The following VWCE variants were observed in gnomAD, a reference collection of about 807,000 sequenced individuals.
VWCE encodes von Willebrand factor C and EGF domains.
Under a neutral mutation model 102.9 loss-of-function variants are expected in VWCE, and 68 were observed. The ratio of observed to expected loss-of-function variants is 0.66; its 90% CI spans 0.54 to 0.81. The LOEUF (loss-of-function observed/expected upper bound fraction) is 0.81. Among genes scored for constraint, VWCE ranks in the 30% least tolerant of loss-of-function variants. The pLI is 0.00. For missense variants in VWCE, 1,137 were observed against 1,263.6 expected (o/e 0.90, Z 1.52); for synonymous variants, 497 against 515.4 (o/e 0.96, Z 0.48).
In VWCE at chr11:61,258,755, T is replaced by C. The variant is rs1365117635; in HGVS notation, c.2788A>G (p.Thr930Ala). The C allele has an allele frequency of 4.9e-6, 7 of 1,429,888 alleles. No individual in the cohort carries two copies. The South Asian group carries it at 1.3e-4, about 27-fold the overall frequency. 88.6% of individuals were successfully genotyped at this position (1,429,888 alleles called of 1,614,324 possible). A position where few individuals can be genotyped will look rare whatever the true frequency, so the allele number is the denominator to read the frequency against. ...GGGTGGGTGGTGGCTGCAAGGGCTG[T>C]GGAGAGTCTAGAGGTGGTGGGAGAA... is the stretch of plus-strand genomic sequence containing the variant. The part of the protein sequence containing the change: ...VLSPTTSRLS[T>A]ALAATTHPGP... Residue 930 changes from threonine (T) to alanine (A), a missense_variant, in exon 20 of 20, where the codon ACA becomes GCA. Around this residue, in one of 5 missense-constraint regions of VWCE, gnomAD observed 316 missense variants for 319.3 expected, o/e 0.99. Transcript: ENST00000335613.
Position 61,278,485 on chromosome 11 carries a change from G to A in VWCE, c.1325-9C>T, listed in dbSNP as rs1245919313. 2 of 1,613,958 alleles carry A rather than the reference G, an allele frequency of 1.2e-6. No individual in the cohort carries two copies. Among genetic ancestry groups the A allele is most frequent in the Non-Finnish European group, 1.7e-6 (2 of 1,179,910 alleles). On this transcript the variant is annotated splice_polypyrimidine_tract_variant and intron_variant, in intron 9 of 19. Coordinates refer to ENST00000335613, the MANE Select transcript of VWCE (RefSeq NM_152718.2). ...ACCACTGTGAAAACAGCCTTTGAAG[G>A]ACAAATAGGAGGTAGAGGCATCAGA...
chr11:61,283,016 G>A, intron 5 of VWCE, 111 bp from the exon 6 acceptor site: 1 of 914,636 alleles, frequency 1.1e-6, no homozygotes, highest in Non-Finnish European at 1.8e-6. Flanking sequence ...GGGCTGTGGG[G>A]AACCACCTTA....
At chr11:61,261,004 C>G (rs1001452228) in intron 19 of VWCE, among the ~76,000 whole-genome samples, 3 of 152,002 alleles carry the variant, frequency 2.0e-5, no homozygotes, top group African/African-American at 7.2e-5. Context: ...GTGGACAGAT[C>G]ACTTGAGGTC....
chr11:61,270,825 CTTTTTTT>C (rs1243630767), intron 14 of VWCE, among the ~76,000 whole-genome samples: 24 of 134,252 alleles, frequency 1.8e-4, no homozygotes, highest in African/African-American at 5.3e-4. Context: ...GTTACACACA[CTTTTTTT>C]TTTTTTTTTT....
chr11:61,273,122 G>T, intron 13 of VWCE, 77 bp downstream of exon 13: 2 of 1,421,760 alleles, frequency 1.4e-6, no homozygotes, highest in Non-Finnish European at 2.0e-6. Flanking sequence ...CACACCAGCA[G>T]TCTCAGCAGC....
At chr11:61,277,083 G>C (rs1854948877) in intron 10 of VWCE, among the ~76,000 whole-genome samples, 1 of 143,524 alleles carries the variant, frequency 7.0e-6, no homozygotes, top group Admixed American at 7.1e-5. Context: ...AAGGGAGAGA[G>C]GAAGGAAGAG....
Position 61,278,456 on chromosome 11 carries a change from C to T in VWCE, c.1345G>A (p.Val449Ile), listed in dbSNP as rs370842721. Residue 449 changes from valine (V) to isoleucine (I), a missense_variant, in exon 10 of 20, where the codon GTC becomes ATC. Physicochemically the swap from Val to Ile is conservative, Grantham distance 29. Coordinates refer to ENST00000335613, the MANE Select transcript of VWCE (RefSeq NM_152718.2). ...SCTGCFHSGV[V>I]RAEGDVFSPP... ...GAAAACACATCCCCTTCAGCTCGGA[C>T]GACACCACTGTGAAAACAGCCTTTG... 34 of 1,614,000 alleles carry T rather than the reference C, an allele frequency of 2.1e-5. No individual in the cohort carries two copies. Among genetic ancestry groups the T allele is most frequent in the Middle Eastern group, 1.6e-4 (1 of 6,082 alleles).
chr11:61,280,758 A>T (rs751996861), intron 8 of VWCE, 35 bp downstream of exon 8: 1 of 1,613,088 alleles, frequency 6.2e-7, no homozygotes, highest in East Asian at 2.2e-5. Context: ...ACAAGGCCCC[A>T]GACCAAGGAA....
chr11:61,270,355 G>C (rs1045228037), intron 14 of VWCE, among the ~76,000 whole-genome samples: 4 of 152,350 alleles, frequency 2.6e-5, no homozygotes, highest in Non-Finnish European at 4.4e-5. Context: ...GCCTCGAAAG[G>C]CTGCACGTCT....
chr11:61,278,995 C>G (rs1403231025), intron 9 of VWCE, among the ~76,000 whole-genome samples: 1 of 151,776 alleles, frequency 6.6e-6, no homozygotes, highest in Non-Finnish European at 1.5e-5. Flanking sequence ...GCCGAGATCG[C>G]GCCACTGCAC....
In VWCE at chr11:61,280,714, C is replaced by G; in HGVS notation, c.1234G>C (p.Gly412Arg). ...PGCSQCWCED[G>R]KVTCEKVRCE... is the part of the protein sequence containing the mutation. ...CTCACCTTTTCACAGGTCACCTTCC[C>G]GTCCTAGAAGCACAAGCAGGAGTTA... The change falls in exon 9 of 20, where the codon GGG becomes CGG. Residue 412 changes from glycine (G) to arginine (R), a missense_variant. Transcript: ENST00000335613. 6.2e-7 allele frequency: 1 copy of G among 1,613,934 alleles called. No homozygotes were observed. Among genetic ancestry groups the G allele is most frequent in the South Asian group, 1.1e-5 (1 of 91,054 alleles).
chr11:61,289,532 G>A (rs2134849527), intron 4 of VWCE, among the ~76,000 whole-genome samples: 1 of 152,146 alleles, frequency 6.6e-6, no homozygotes, highest in South Asian at 2.1e-4. Context: ...TTACAGGCGT[G>A]AGCCACCAAG....
chr11:61,272,927 TATAC>T (rs1346152829), intron 13 of VWCE, among the ~76,000 whole-genome samples: 1 of 149,358 alleles, frequency 6.7e-6, no homozygotes, highest in African/African-American at 2.5e-5. Context: ...CACACACTCA[TATAC>T]ATAAATACAA....
Position 61,264,952 on chromosome 11 carries a change from T to A in VWCE, c.2139+4A>T. 1 of 1,613,470 alleles carries A rather than the reference T, an allele frequency of 6.2e-7. No individual in the cohort carries two copies. The highest frequency in any genetic ancestry group is 8.5e-7 in the Non-Finnish European group (1 of 1,180,012). On this transcript the variant is annotated splice_donor_region_variant and intron_variant, in intron 18 of 19. Coordinates refer to ENST00000335613, the MANE Select transcript of VWCE (RefSeq NM_152718.2). Reference sequence around the variant, plus strand: ...CCGCTCCTGGGTTCCCAGGCCCAGCTCACCTGGCACGTGCACCGGGTGCAG... The same window carrying A: ...CCGCTCCTGGGTTCCCAGGCCCAGCACACCTGGCACGTGCACCGGGTGCAG...
At position 61,259,085 on chromosome 11, in the gene VWCE, C is replaced by A. The variant is rs772430267; in HGVS notation, c.2458G>T (p.Ala820Ser). The change falls in exon 20 of 20, where the codon GCT becomes TCT. Residue 820 changes from alanine to serine, a missense_variant. Ala to Ser is a moderately conservative substitution (Grantham distance 99). Coordinates refer to ENST00000335613, the MANE Select transcript of VWCE (RefSeq NM_152718.2). ...TQTLPTSPAG[A>S]HGPHSLALGL... ...AAAGCGAGTGAGTGTGGACCATGAG[C>A]TCCTGCCGGGCTTGTAGGTAAAGTC... 6.2e-7 allele frequency: 1 copy of A among 1,614,014 alleles called. No individual in the cohort carries two copies. Among genetic ancestry groups the A allele is most frequent in the South Asian group, 1.1e-5 (1 of 91,084 alleles).
chr11:61,273,962 C>T (rs1854822606), intron 12 of VWCE, among the ~76,000 whole-genome samples: 1 of 152,196 alleles, frequency 6.6e-6, no homozygotes, highest in Admixed American at 6.5e-5. Flanking sequence ...TCTGAGAGCA[C>T]TCCCTTGGTA....
rs1194815743 is a variant in VWCE, at chr11:61,294,905, G to T, written c.110+23C>A. 2 of 1,366,708 alleles carry T rather than the reference G, an allele frequency of 1.5e-6. No individual in the cohort carries two copies. Among genetic ancestry groups the T allele is most frequent in the South Asian group, 1.6e-5 (1 of 63,898 alleles). The allele number at this position is 1,366,708 out of a possible 1,614,324, so 84.7% of individuals were successfully genotyped here. A position where few individuals can be genotyped will look rare whatever the true frequency, so the allele number is the denominator to read the frequency against. On this transcript the variant is annotated intron_variant, in intron 1 of 19. Transcript: ENST00000335613. This position sits in a 1 kb window ranked among gnomAD's most constrained non-coding sequence, Gnocchi z 6.3. ...GTAGCGCTCTCCCGGGCGGGGGAGC[G>T]GGGAGGAGCTCCGGGCGCTTACCTC... is the stretch of plus-strand genomic sequence containing the variant.
At chr11:61,274,400 C>A (rs759760066) in intron 12 of VWCE, 99 bp downstream of exon 12, 6 of 1,160,716 alleles carry the variant, frequency 5.2e-6, no homozygotes, top group African/African-American at 1.5e-5. Flanking sequence ...TGCTGTATGA[C>A]AACTCATGTT....
chr11:61,288,839 GTTTT>G (rs34247864), intron 4 of VWCE, among the ~76,000 whole-genome samples: 1 of 134,014 alleles, frequency 7.5e-6, no homozygotes, highest in Non-Finnish European at 1.6e-5. Flanking sequence ...TTTATGGCGC[GTTTT>G]TTTTTTTTTT....
Sources: gnomAD v4.1 joint callset for allele counts (sites outside exome capture counted in the v4.1 genomes callset) on GRCh38, gnomAD v4.1.1 for gene constraint, gnomAD v4.1.1 regional missense constraint, Gnocchi (gnomAD v3.1) non-coding constraint, MANE v1.5 for transcripts, NCBI Gene and HGNC (gene_info 2026-07-23, HGNC 2026-07-21) for gene names.